Variants in RIMS2 observed in about 807,000 individuals in gnomAD.
The protein encoded by RIMS2 is regulating synaptic membrane exocytosis 2.
A neutral mutation model predicts 174.4 loss-of-function variants in RIMS2; 59 were observed. That is an observed-to-expected ratio of 0.34 (90% CI 0.27 to 0.42). RIMS2 has a LOEUF of 0.42. Ranked by LOEUF, RIMS2 falls within the 10% of genes least tolerant of loss-of-function variation. RIMS2 has a pLI of 1.00. For synonymous variants in RIMS2, 606 were observed against 572.5 expected, an observed-to-expected ratio of 1.06 and a Z score of -0.84; for missense variants, 1,620 against 1,666.3, an observed-to-expected ratio of 0.97 and a Z score of 0.48.
chr8:103,712,245 C>T (rs961124638), intron 2 of RIMS2, among the ~76,000 whole-genome samples: 3 of 150,816 alleles, frequency 2.0e-5, no homozygotes, highest in South Asian at 2.1e-4. Flanking sequence ...CCCCTGGGCT[C>T]GAACAGTCCT....
intron 13 of RIMS2, among the ~76,000 whole-genome samples, chr8:103,938,381 C>T (rs1393137615): frequency 2.0e-5 from 3 of 152,028 alleles, no homozygotes; most frequent in Non-Finnish European, 4.4e-5. Flanking sequence ...CAGGGGAACT[C>T]CTCTTTATAA....
rs186372311 is a variant in RIMS2 at position 104,153,872 on chromosome 8, G to C, written c.3335-91044G>C. Among the ~76,000 whole-genome samples the C allele has an allele frequency of 3.3e-3, 498 of 152,218 alleles. 4 individuals are homozygous for C. Among genetic ancestry groups the C allele is most frequent in the African/African-American group, 0.011 (458 of 41,550 alleles). ...AGCAGGACATGATCAACTGTGTCAG[G>C]GACTCTGACAGGTCAAGTAAGATGA... On this transcript the variant is annotated intron_variant, in intron 19 of 23. Coordinates refer to ENST00000504942, the Ensembl canonical transcript of RIMS2.
At chr8:103,783,476 T>C (rs906489798) in intron 3 of RIMS2, among the ~76,000 whole-genome samples, 1 of 150,574 alleles carries the variant, frequency 6.6e-6, no homozygotes, top group Non-Finnish European at 1.5e-5. Context: ...TGTGTCCATG[T>C]GATCTCATTG....
intron 19 of RIMS2, among the ~76,000 whole-genome samples, chr8:104,221,762 A>G (rs1008456232): frequency 1.3e-5 from 2 of 152,220 alleles, no homozygotes; most frequent in Non-Finnish European, 2.9e-5. Context: ...CCTAATTTTA[A>G]GTGTATTTAA....
chr8:104,106,971 A>G (rs906833899), intron 19 of RIMS2, among the ~76,000 whole-genome samples: 1 of 152,170 alleles, frequency 6.6e-6, no homozygotes, highest in Non-Finnish European at 1.5e-5. Flanking sequence ...CTTTATTTTC[A>G]AATTCTGATT....
intron 14 of RIMS2, among the ~76,000 whole-genome samples, chr8:103,958,965 C>T (rs2088735400): frequency 6.6e-6 from 1 of 152,038 alleles, no homozygotes; most frequent in Non-Finnish European, 1.5e-5. Flanking sequence ...AAAACGCATC[C>T]AAAAAGGAAA....
At chr8:103,646,635 T>G (rs1461064008) in intron 1 of RIMS2, among the ~76,000 whole-genome samples, 1 of 152,114 alleles carries the variant, frequency 6.6e-6, no homozygotes, top group Admixed American at 6.5e-5. Context: ...AACTTATAAG[T>G]GAGAACATAT....
chr8:104,069,463 C>CTTTTTTTTTTTT (rs71297250), intron 19 of RIMS2, among the ~76,000 whole-genome samples: 1 of 91,964 alleles, frequency 1.1e-5, no homozygotes, highest in Admixed American at 1.3e-4. Context: ...ATTAATTGTT[C>CTTTTTTTTTTTT]TTTTTTTTTT....
intron 2 of RIMS2, among the ~76,000 whole-genome samples, chr8:103,711,783 G>C (rs1334510428): frequency 4.6e-5 from 7 of 152,018 alleles, no homozygotes; most frequent in Admixed American, 4.6e-4. Flanking sequence ...TGTGGTCCCA[G>C]CTACTTGGGA....
intron 5 of RIMS2, among the ~76,000 whole-genome samples, chr8:103,910,827 G>C (rs1307829657): frequency 6.6e-6 from 1 of 152,152 alleles, no homozygotes; most frequent in African/African-American, 2.4e-5. Context: ...ACTTTGTAAT[G>C]TTATTAAAAA....
In RIMS2 at chr8:104,121,963, A is replaced by G. The variant is rs182308048; in HGVS notation, c.3334+107348A>G. ...GCAACAAGAGTGAGACTCCATCTCA[A>G]AAAATAAATAAAAATAAAATAATAT... On this transcript the variant is annotated intron_variant, in intron 19 of 23. Transcript: ENST00000504942. Among the ~76,000 whole-genome samples, 158 of 152,254 alleles carry G rather than the reference A, an allele frequency of 1.0e-3. 1 individual carries two copies. The East Asian group carries it at 0.021, about 20-fold the overall frequency.
chr8:104,052,864 C>T (rs1369946780), intron 19 of RIMS2, among the ~76,000 whole-genome samples: 4 of 151,876 alleles, frequency 2.6e-5, no homozygotes, highest in African/African-American at 9.7e-5. Context: ...TAGAATAAAG[C>T]GGAAAGCTAT....
At chr8:104,016,916 A>C (rs1036432791) in intron 19 of RIMS2, among the ~76,000 whole-genome samples, 4 of 151,954 alleles carry the variant, frequency 2.6e-5, no homozygotes, top group African/African-American at 9.7e-5. Context: ...TCCCTATAAA[A>C]TTAATTAAAA....
At position 103,862,094 on chromosome 8, in the gene RIMS2, CT is replaced by C. The variant is rs2099061950; in HGVS notation, c.699-23200del. ...ATTTTTCCTAGGCTGTTTTCTAGGG[CT>C]TTTATAGTTTCAGGTCTTACATGTA... On this transcript the variant is annotated intron_variant, in intron 3 of 23. Transcript: ENST00000504942. 1.3e-4 allele frequency among the ~76,000 whole-genome samples: 20 copies of C among 151,956 alleles called. No homozygotes were observed. In the South Asian group the frequency reaches 2.9e-3, roughly 22 times the overall value.
rs539179964 is a variant in RIMS2 at position 104,248,720 on chromosome 8, C to T, written c.3496C>T (p.Arg1166Cys). Residue 1166 changes from arginine (R) to cysteine (C), a missense_variant, in exon 21 of 24, where the codon CGC (arginine) becomes TGC (cysteine). By Grantham distance (180) the Arg-to-Cys change is radical. Coordinates refer to ENST00000504942, the Ensembl canonical transcript of RIMS2. ...TTTCAGTCTGATTTTCCCTGGTGTT[C>T]GCTTGGCCTCTGATAGCCAGTTCAG... is the stretch of plus-strand genomic sequence containing the variant. The T allele has an allele frequency of 1.5e-5, 24 of 1,607,388 alleles. No individual in the cohort carries two copies. In the African/African-American group the frequency reaches 1.6e-4, roughly 11 times the overall value.
chr8:103,679,173 T>A (rs910700909), intron 1 of RIMS2, among the ~76,000 whole-genome samples: 3 of 151,980 alleles, frequency 2.0e-5, no homozygotes, highest in Non-Finnish European at 4.4e-5. Flanking sequence ...TATCCTGAAA[T>A]ATATGGATTC....
At chr8:103,865,786 A>G (rs1496846) in intron 3 of RIMS2, among the ~76,000 whole-genome samples, 23,805 of 152,108 alleles carry the variant, frequency 0.16, 1,957 homozygotes, top group Middle Eastern at 0.25. Flanking sequence ...TAACAGAAGC[A>G]CTATTTTTTT....
chr8:103,501,809 A>G (rs1039806236), intron 1 of RIMS2: 1 of 152,188 alleles, frequency 6.6e-6, no homozygotes, highest in Admixed American at 6.5e-5. Flanking sequence ...GTGAAGTTCT[A>G]CTATTCTTGC....
intron 19 of RIMS2, among the ~76,000 whole-genome samples, chr8:104,096,050 C>T (rs1433538748): frequency 6.6e-6 from 1 of 151,968 alleles, no homozygotes; most frequent in Non-Finnish European, 1.5e-5. Context: ...TGGTATTTAA[C>T]TTTTGATAAT....
Sources: gnomAD v4.1 joint callset for allele counts (sites outside exome capture counted in the v4.1 genomes callset) on GRCh38, gnomAD v4.1.1 for gene constraint, MANE v1.5 for transcripts, NCBI Gene and HGNC (gene_info 2026-07-23, HGNC 2026-07-21) for gene names.